Variants in DSG2 observed in about 807,000 individuals in gnomAD.
DSG2 encodes the protein desmoglein-2.
Under a neutral mutation model 75.6 loss-of-function variants are expected in DSG2, and 45 were observed. The observed-to-expected ratio is 0.60, with a 90% CI of 0.47 to 0.76. The LOEUF (loss-of-function observed/expected upper bound fraction) is 0.76, where lower values mean the gene tolerates loss of function less well. DSG2 is among the 30% of genes least tolerant of loss of function. The probability of loss-of-function intolerance (pLI) is 0.00; values close to 1 mark genes in which losing one functional copy is unlikely to be tolerated. For missense variants in DSG2, 1,267 were observed against 1,357.4 expected (o/e 0.93, Z 1.05); for synonymous variants, 429 against 483.9 (o/e 0.89, Z 1.49).
At chr18:31,507,758 C>T (rs567129477) in intron 1 of DSG2, among the ~76,000 whole-genome samples, 1 of 152,274 alleles carries the variant, frequency 6.6e-6, no homozygotes, top group South Asian at 2.1e-4. Flanking sequence ...CCTTCACCCA[C>T]CTTTTGATAG....
chr18:31,522,447 A>G, intron 6 of DSG2, 198 bp downstream of exon 6: 2 of 557,900 alleles, frequency 3.6e-6, no homozygotes, highest in Non-Finnish European at 6.4e-6. Flanking sequence ...ACTGGCCCAA[A>G]TTGTAATGTG....
Position 31,538,690 on chromosome 18 carries a change from A to C in DSG2, c.1652-61A>C, listed in dbSNP as rs1001346425. The C allele has an allele frequency of 4.5e-5, 59 of 1,322,710 alleles. No individual in the cohort carries two copies. The African/African-American group carries it at 6.7e-4, about 15-fold the overall frequency. 81.9% of individuals were successfully genotyped at this position (1,322,710 alleles called of 1,614,324 possible). On this transcript the variant is annotated intron_variant, in intron 11 of 14. Coordinates refer to ENST00000261590, the MANE Select transcript of DSG2 (RefSeq NM_001943.5). ...CAATGAAAGAACATTTGTGGAATTT[A>C]ATGTTGCCTCATCCTTGGTAATCGT...
rs1448726339 is a variant in DSG2, at chr18:31,498,430, G to T, written c.45+134G>T. ...CCGGCGCTCCTTCCTGCTGCCCGAGGGGGGAAAAGGGCCGGGCAGGCTGCG... is the reference window on the plus strand; with the variant it reads ...CCGGCGCTCCTTCCTGCTGCCCGAGTGGGGAAAAGGGCCGGGCAGGCTGCG... On this transcript the variant is annotated intron_variant, in intron 1 of 14. Coordinates refer to ENST00000261590, the MANE Select transcript of DSG2 (RefSeq NM_001943.5). The T allele has an allele frequency of 9.1e-6, 9 of 993,266 alleles. No homozygotes were observed. The East Asian group carries it at 1.0e-4, about 11-fold the overall frequency. 61.5% of individuals were successfully genotyped at this position (993,266 alleles called of 1,614,324 possible).
At position 31,548,106 on chromosome 18, in the gene DSG2, G is replaced by T. The variant is rs1291822148; in HGVS notation, c.*1363G>T. On this transcript the variant is annotated 3_prime_UTR_variant, in exon 15 of 15. Coordinates refer to ENST00000261590, the MANE Select transcript of DSG2 (RefSeq NM_001943.5). Reference sequence around the variant, plus strand: ...TGATTTCTCAGTTATTGACTGGCTGGGTGTGACTTAGTACATAAGTACTCA... The same window carrying T: ...TGATTTCTCAGTTATTGACTGGCTGTGTGTGACTTAGTACATAAGTACTCA... 1 of 151,934 alleles carries T rather than the reference G, an allele frequency of 6.6e-6. No homozygotes were observed. The highest frequency in any genetic ancestry group is 1.5e-5 in the Non-Finnish European group (1 of 67,996). 9.4% of individuals were successfully genotyped at this position (151,934 alleles called of 1,614,324 possible).
intron 1 of DSG2, among the ~76,000 whole-genome samples, chr18:31,502,920 T>C (rs1183607985): frequency 6.6e-6 from 1 of 152,252 alleles, no homozygotes; most frequent in African/African-American, 2.4e-5. Flanking sequence ...TCAATAGCTT[T>C]GACAACAATT....
At chr18:31,529,133 T>G (rs1438826373) in intron 8 of DSG2, among the ~76,000 whole-genome samples, 2 of 152,144 alleles carry the variant, frequency 1.3e-5, no homozygotes, top group Non-Finnish European at 2.9e-5. Flanking sequence ...ACAAATAAAC[T>G]TACAATCTTT....
chr18:31,513,280 A>G (rs1169081663), intron 1 of DSG2, among the ~76,000 whole-genome samples: 1 of 152,160 alleles, frequency 6.6e-6, no homozygotes, highest in African/African-American at 2.4e-5. Context: ...CTTTCCCCTC[A>G]TGGTCACAGC....
chr18:31,505,669 T>TC (rs1185294754), intron 1 of DSG2, among the ~76,000 whole-genome samples: 19 of 150,274 alleles, frequency 1.3e-4, no homozygotes, highest in African/African-American at 4.2e-4. Flanking sequence ...TTTTTTTTTT[T>TC]TTCTTTTTTT....
intron 13 of DSG2, chr18:31,542,233 C>A: frequency 2.1e-6 from 1 of 474,112 alleles, no homozygotes; most frequent in Non-Finnish European, 3.8e-6. Flanking sequence ...AGGTATCAAA[C>A]TGTAGAGGGA....
In DSG2 at chr18:31,542,707, C is replaced by G; in HGVS notation, c.2189C>G (p.Thr730Ser). 6.2e-7 allele frequency: 1 copy of G among 1,614,176 alleles called. No individual in the cohort carries two copies. The highest frequency in any genetic ancestry group is 1.1e-5 in the South Asian group (1 of 91,080). ...EHRSLLSGRATQFTGATGAIM... is the reference protein window; with the variant it reads ...EHRSLLSGRASQFTGATGAIM... Reference sequence around the variant, plus strand: ...AGAAGCCTGCTTTCTGGTAGAGCTACCCAGTTTACAGGGGCCACAGGCGCT... The same window carrying G: ...AGAAGCCTGCTTTCTGGTAGAGCTAGCCAGTTTACAGGGGCCACAGGCGCT... The change falls in exon 14 of 15, where the codon ACC becomes AGC. Residue 730 changes from threonine (T) to serine (S), a missense_variant. Transcript: ENST00000261590.
chr18:31,522,165 T>C lies in DSG2; in HGVS notation c.606T>C (p.Ser202=), dbSNP rs748660731. The C allele has an allele frequency of 5.6e-6, 9 of 1,613,494 alleles. No individual in the cohort carries two copies. In the South Asian group the frequency reaches 9.9e-5, roughly 18 times the overall value. Residue 202 remains serine (S), a synonymous_variant, in exon 6 of 15, where the codon TCT becomes TCC. Transcript: ENST00000261590. ...LNSKISYRIV[S]LEPAYPPVFY... The stretch of plus-strand genomic sequence containing the variant: ...CGAAAATTTCCTATAGAATCGTATC[T>C]CTGGAGCCTGCTTATCCTCCAGTGT...
chr18:31,536,522 T>G, intron 11 of DSG2, 93 bp downstream of exon 11: 1 of 1,310,646 alleles, frequency 7.6e-7, no homozygotes, highest in Non-Finnish European at 1.1e-6. Flanking sequence ...AAATTATATT[T>G]CCAATATAGT....
At chr18:31,506,833 A>C (rs912072251) in intron 1 of DSG2, among the ~76,000 whole-genome samples, 6 of 152,230 alleles carry the variant, frequency 3.9e-5, no homozygotes, top group Non-Finnish European at 7.3e-5. Context: ...AATAAATGCT[A>C]TTTTGAATTG....
intron 1 of DSG2, among the ~76,000 whole-genome samples, chr18:31,510,259 T>A (rs111702743): frequency 8.5e-5 from 13 of 152,244 alleles, no homozygotes; most frequent in African/African-American, 3.1e-4. Context: ...TTATAGTGAC[T>A]GAAAGTTGAA....
chr18:31,508,843 CAAAAGTGTG>C (rs2073052527), intron 1 of DSG2, among the ~76,000 whole-genome samples: 1 of 152,104 alleles, frequency 6.6e-6, no homozygotes, highest in Non-Finnish European at 1.5e-5. Flanking sequence ...CAGTGGTTTC[CAAAAGTGTG>C]GTCCCACTTT....
intron 13 of DSG2, among the ~76,000 whole-genome samples, chr18:31,541,623 C>T (rs1435709586): frequency 6.6e-6 from 1 of 152,108 alleles, no homozygotes; most frequent in Non-Finnish European, 1.5e-5. Context: ...TTTTCATAAC[C>T]AGGAACTGCT....
intron 14 of DSG2, among the ~76,000 whole-genome samples, chr18:31,544,172 C>G (rs901860928): frequency 6.6e-6 from 1 of 152,010 alleles, no homozygotes; most frequent in Non-Finnish European, 1.5e-5. Context: ...CCAAATGGAT[C>G]TAGTTGATAC....
intron 9 of DSG2, among the ~76,000 whole-genome samples, chr18:31,531,739 C>T (rs1567929227): frequency 1.3e-5 from 2 of 152,180 alleles, no homozygotes; most frequent in Non-Finnish European, 2.9e-5. Context: ...ATTAATGAGC[C>T]TCCTACACTG....
chr18:31,500,124 AAATTGT>A (rs2073006462), intron 1 of DSG2, among the ~76,000 whole-genome samples: 1 of 152,320 alleles, frequency 6.6e-6, no homozygotes, highest in East Asian at 1.9e-4. Flanking sequence ...GAAGGAATAT[AAATTGT>A]AGTCTGTTAG....
Sources: gnomAD v4.1 joint callset for allele counts (sites outside exome capture counted in the v4.1 genomes callset) on GRCh38, gnomAD v4.1.1 for gene constraint, MANE v1.5 for transcripts, NCBI Gene and HGNC (gene_info 2026-07-23, HGNC 2026-07-21) for gene names.